AVEN: variants seen among roughly 807,000 people sequenced by gnomAD.
AVEN encodes apoptosis and caspase activation inhibitor.
Under a neutral mutation model 38.1 loss-of-function variants are expected in AVEN, and 41 were observed. The ratio of observed to expected loss-of-function variants is 1.08; its 90% confidence interval spans 0.84 to 1.40. AVEN has a LOEUF of 1.40. Ranked by LOEUF, AVEN falls within the 40% of genes most tolerant of loss-of-function variation. The pLI is 0.00. For missense variants in AVEN, 605 were observed against 438.8 expected, an observed-to-expected ratio of 1.38 and a Z score of -3.38; for synonymous variants, 206 against 171.8, an observed-to-expected ratio of 1.20 and a Z score of -1.56.
intron 5 of AVEN, 38 bp from the exon 6 acceptor site, chr15:33,866,766 G>C (rs775782664): frequency 5.6e-6 from 8 of 1,441,344 alleles, no homozygotes; most frequent in Non-Finnish European, 7.8e-6. Flanking sequence ...CCTCAGATGA[G>C]TCCTAAAATT....
At chr15:33,867,458 G>C (rs750856935) in intron 5 of AVEN, 37 bp downstream of exon 5, 3 of 1,536,564 alleles carry the variant, frequency 2.0e-6, no homozygotes, top group South Asian at 2.6e-5. Flanking sequence ...AAAAACACCA[G>C]AATCAAGATT....
chr15:34,017,483 T>TG (rs1491213654), intron 1 of AVEN, among the ~76,000 whole-genome samples: 27 of 44,854 alleles, frequency 6.0e-4, no homozygotes, highest in African/African-American at 1.1e-3. Context: ...ATTTTTTTTT[T>TG]GTTTTTTTTT....
chr15:33,861,557 C>A (rs990506488), downstream of AVEN, among the ~76,000 whole-genome samples: 9 of 151,666 alleles, frequency 5.9e-5, no homozygotes, highest in Non-Finnish European at 1.0e-4. Flanking sequence ...ACTTCTTTTT[C>A]CCTTTCAGCA....
At chr15:33,853,135 G>C in the AVEN span, 1 of 1,483,876 alleles carries the variant, frequency 6.7e-7, no homozygotes, top group South Asian at 1.3e-5. Context: ...AAAAAATGTG[G>C]TGTATGTTTT....
intron 1 of AVEN, among the ~76,000 whole-genome samples, chr15:34,032,547 C>A (rs1898904306): frequency 6.6e-6 from 1 of 152,186 alleles, no homozygotes; most frequent in Non-Finnish European, 1.5e-5. Flanking sequence ...TGAATGAATT[C>A]ATGCAATGAA....
chr15:34,014,217 A>C (rs1379130229), intron 1 of AVEN, among the ~76,000 whole-genome samples: 1 of 152,012 alleles, frequency 6.6e-6, no homozygotes, highest in East Asian at 1.9e-4. Flanking sequence ...ATGAAAAATT[A>C]GCCAGGCGTG....
At chr15:33,910,017 A>C (rs1892860003) in intron 2 of AVEN, among the ~76,000 whole-genome samples, 1 of 151,692 alleles carries the variant, frequency 6.6e-6, no homozygotes, top group Non-Finnish European at 1.5e-5. Flanking sequence ...AATCTTAGCT[A>C]CTCGGGAGGC....
At chr15:33,890,240 G>A (rs373640121) in intron 2 of AVEN, among the ~76,000 whole-genome samples, 1 of 152,114 alleles carries the variant, frequency 6.6e-6, no homozygotes, top group Admixed American at 6.5e-5. Flanking sequence ...TCCACACAAA[G>A]CCAACATGAT....
intron 1 of AVEN, among the ~76,000 whole-genome samples, chr15:34,021,011 A>C (rs1026640804): frequency 6.6e-6 from 1 of 152,176 alleles, no homozygotes; most frequent in African/African-American, 2.4e-5. Context: ...TTCTGCATAT[A>C]CACTTTACCT....
chr15:33,871,244 C>A (rs765321142), intron 3 of AVEN, among the ~76,000 whole-genome samples: 1 of 152,102 alleles, frequency 6.6e-6, no homozygotes, highest in African/African-American at 2.4e-5. Flanking sequence ...ACTGTCAGAG[C>A]AACAACAGGG....
intron 2 of AVEN, among the ~76,000 whole-genome samples, chr15:33,899,660 G>A (rs1892408944): frequency 6.6e-6 from 1 of 151,634 alleles, no homozygotes; most frequent in Admixed American, 6.6e-5. Flanking sequence ...TAGAGACAGG[G>A]TTTCACCATG....
chr15:33,879,865 G>C (rs953744783), intron 2 of AVEN, among the ~76,000 whole-genome samples: 1 of 152,102 alleles, frequency 6.6e-6, no homozygotes. Flanking sequence ...TGTCTATAAA[G>C]AGAACAGTAA....
intron 2 of AVEN, among the ~76,000 whole-genome samples, chr15:33,933,346 A>AC (rs1567420423): frequency 6.6e-6 from 1 of 152,092 alleles, no homozygotes; most frequent in African/African-American, 2.4e-5. Context: ...ACTTGGTTAG[A>AC]CCTGAGTGAT....
chr15:33,964,192 A>G (rs1389392931), intron 2 of AVEN, among the ~76,000 whole-genome samples: 1 of 152,148 alleles, frequency 6.6e-6, no homozygotes, highest in African/African-American at 2.4e-5. Context: ...TTAATGAGGA[A>G]TATTAGTACC....
chr15:34,062,050 A>G (rs948639686), intron 5 of AVEN, among the ~76,000 whole-genome samples: 4 of 151,586 alleles, frequency 2.6e-5, no homozygotes, highest in Non-Finnish European at 2.9e-5. Flanking sequence ...TCAACAATCC[A>G]TTTTTTTTCC....
chr15:34,071,945 G>A (rs982948401), intron 1 of AVEN, among the ~76,000 whole-genome samples: 1 of 152,074 alleles, frequency 6.6e-6, no homozygotes, highest in African/African-American at 2.4e-5. Flanking sequence ...TTCACTATAT[G>A]TAATAATATA....
intron 2 of AVEN, among the ~76,000 whole-genome samples, chr15:33,984,392 T>C (rs992208205): frequency 6.9e-6 from 1 of 144,814 alleles, no homozygotes; most frequent in African/African-American, 2.6e-5. Context: ...CCTGTTAGAA[T>C]AGATTGATGG....
downstream of AVEN, chr15:33,865,495 T>G (rs1010342067): frequency 1.0e-5 from 4 of 400,028 alleles, no homozygotes; most frequent in African/African-American, 8.0e-5. Context: ...AGTTTTCCAG[T>G]TCTGAGGTAA....
At chr15:34,035,690 A>G (rs1330657075) in intron 1 of AVEN, among the ~76,000 whole-genome samples, 1 of 152,202 alleles carries the variant, frequency 6.6e-6, no homozygotes, top group Non-Finnish European at 1.5e-5. Flanking sequence ...TCCAAAGACT[A>G]CCAGCTGGCC....
Sources: allele counts gnomAD v4.1 joint callset (sites outside exome capture counted in the v4.1 genomes callset), GRCh38; gene constraint gnomAD v4.1.1; transcripts MANE v1.5; gene names NCBI Gene and HGNC (gene_info 2026-07-23, HGNC 2026-07-21).